MYO1H: variants seen among roughly 807,000 people sequenced by gnomAD.
MYO1H encodes the protein myosin IH, also known as unconventional myosin-Ih.
In MYO1H, 118 loss-of-function variants were observed where a neutral mutation model predicts 149.3. The ratio of observed to expected loss-of-function variants is 0.79; its 90% CI spans 0.68 to 0.92. The LOEUF (loss-of-function observed/expected upper bound fraction) is 0.92. Ranked by LOEUF, MYO1H falls within the 40% of genes least tolerant of loss-of-function variation. The pLI is 0.00. For missense variants in MYO1H, 1,212 were observed against 1,280.7 expected (o/e 0.95, Z 0.82); for synonymous variants, 447 against 465.2 (o/e 0.96, Z 0.50).
At chr12:109,402,006 C>T (rs1225555460) in intron 6 of MYO1H, among the ~76,000 whole-genome samples, 1 of 152,202 alleles carries the variant, frequency 6.6e-6, no homozygotes, top group Admixed American at 6.5e-5. Context: ...TCCCAAAGTG[C>T]TGAGTTTACA....
At chr12:109,444,327 C>G (rs1566046007) in intron 29 of MYO1H, 44 bp downstream of exon 29, 1 of 1,587,638 alleles carries the variant, frequency 6.3e-7, no homozygotes, top group Non-Finnish European at 8.6e-7. Flanking sequence ...AGAAACAATA[C>G]ACTGCCAAAA....
At chr12:109,368,663 G>C (rs542456186) in intron 1 of MYO1H, among the ~76,000 whole-genome samples, 1 of 124,900 alleles carries the variant, frequency 8.0e-6, no homozygotes, top group South Asian at 2.5e-4. Context: ...AAAAAAAAGG[G>C]TTCTTGCTGA....
At chr12:109,400,781 A>G (rs1369295889) in intron 5 of MYO1H, among the ~76,000 whole-genome samples, 2 of 152,214 alleles carry the variant, frequency 1.3e-5, no homozygotes, top group Non-Finnish European at 2.9e-5. Flanking sequence ...ATCAACATGA[A>G]TAAAAAGACC....
intron 1 of MYO1H, among the ~76,000 whole-genome samples, chr12:109,366,496 C>T (rs1000602933): frequency 6.6e-6 from 1 of 152,116 alleles, no homozygotes; most frequent in Admixed American, 6.5e-5. Context: ...GGCTTGAGAC[C>T]ATATAGCTGT....
chr12:109,427,932 A>T (rs1388043219), intron 19 of MYO1H, among the ~76,000 whole-genome samples: 1 of 99,318 alleles, frequency 1.0e-5, no homozygotes, highest in Non-Finnish European at 2.1e-5. Flanking sequence ...ATATATATAT[A>T]TATATTAGAT....
At chr12:109,339,966 T>C in the MYO1H span, among the ~76,000 whole-genome samples, 1 of 152,196 alleles carries the variant, frequency 6.6e-6, no homozygotes. Flanking sequence ...TTATAGGAAC[T>C]CCATATCCTA....
intron 1 of MYO1H, among the ~76,000 whole-genome samples, chr12:109,364,062 C>T (rs1052736322): frequency 5.4e-5 from 8 of 149,162 alleles, no homozygotes; most frequent in Non-Finnish European, 1.0e-4. Flanking sequence ...ATATGTTAGC[C>T]GGGAAGTCTG....
chr12:109,316,682 G>T, the MYO1H span, among the ~76,000 whole-genome samples: 1 of 152,132 alleles, frequency 6.6e-6, no homozygotes, highest in African/African-American at 2.4e-5. Context: ...TGAATCTAGG[G>T]TTTACAATAG....
At chr12:109,380,485 G>A (rs999885382) in intron 1 of MYO1H, among the ~76,000 whole-genome samples, 3 of 152,180 alleles carry the variant, frequency 2.0e-5, no homozygotes, top group Admixed American at 6.5e-5. Flanking sequence ...TTTACCCTGA[G>A]GACAAAGAAT....
the MYO1H span, among the ~76,000 whole-genome samples, chr12:109,312,324 T>A: frequency 6.6e-6 from 1 of 152,160 alleles, no homozygotes; most frequent in Non-Finnish European, 1.5e-5. Context: ...GCCATTCTCC[T>A]GCCTCAGCCT....
chr12:109,398,213 C>T (rs540061184), intron 5 of MYO1H, among the ~76,000 whole-genome samples: 21 of 148,626 alleles, frequency 1.4e-4, no homozygotes, highest in Non-Finnish European at 2.7e-4. Flanking sequence ...GCTACAGATG[C>T]GTAAGCATGT....
exon 3 of MYO1H, chr12:109,393,442 C>T (rs889959163): frequency 2.5e-6 from 4 of 1,569,326 alleles, no homozygotes; most frequent in Non-Finnish European, 3.5e-6. Context: ...ACTGCCACCA[C>T]ATGTGTAAGT....
intron 4 of MYO1H, 102 bp from the exon 5 acceptor site, chr12:109,397,630 G>A (rs987640870): frequency 1.5e-4 from 123 of 836,912 alleles, no homozygotes; most frequent in African/African-American, 1.4e-3. Context: ...GGCTCCTTCC[G>A]CTCTCTCTCC....
chr12:109,418,570 G>A (rs908149989), intron 15 of MYO1H, among the ~76,000 whole-genome samples: 29 of 151,568 alleles, frequency 1.9e-4, no homozygotes, highest in African/African-American at 6.8e-4. Flanking sequence ...TTGTTTTTTA[G>A]ACGGAGTCTC....
At chr12:109,361,720 G>C (rs554789021) in intron 1 of MYO1H, among the ~76,000 whole-genome samples, 2 of 149,818 alleles carry the variant, frequency 1.3e-5, no homozygotes, top group South Asian at 4.2e-4. Flanking sequence ...GAGGCAGGAG[G>C]ATCACTTGAG....
intron 17 of MYO1H, among the ~76,000 whole-genome samples, chr12:109,425,095 C>T (rs1871307930): frequency 1.3e-5 from 2 of 152,080 alleles, no homozygotes; most frequent in African/African-American, 4.8e-5. Context: ...CATAATGAGA[C>T]CCTGTCTCTA....
exon 4 of MYO1H, chr12:109,396,495 T>G (rs1250381307): frequency 1.2e-6 from 2 of 1,613,676 alleles, no homozygotes; most frequent in African/African-American, 1.3e-5. Flanking sequence ...CCAAGAAAAT[T>G]CTCGAGTATT....
rs1872515154 is a variant in MYO1H at position 109,447,070 on chromosome 12, G to A, written c.3094-89G>A. The A allele has an allele frequency of 3.0e-6, 4 of 1,328,402 alleles. No homozygotes were observed. The South Asian group carries it at 3.8e-5, about 12-fold the overall frequency. 82.3% of individuals were successfully genotyped at this position (1,328,402 alleles called of 1,614,324 possible). A position where few individuals can be genotyped will look rare whatever the true frequency, so the allele number is the denominator to read the frequency against. ...CTCACAGGCCCTCCACACCCACCTTGCTAATGGTGACAGTTGAGGTGATAA... is the reference window on the plus strand; with the variant it reads ...CTCACAGGCCCTCCACACCCACCTTACTAATGGTGACAGTTGAGGTGATAA... On this transcript the variant is annotated intron_variant, in intron 31 of 31. Transcript: ENST00000310903.
chr12:109,321,098 A>G, the MYO1H span, among the ~76,000 whole-genome samples: 1 of 152,072 alleles, frequency 6.6e-6, no homozygotes. Flanking sequence ...AAAAGCCCTC[A>G]AAAACACAAA....
Sources: allele counts gnomAD v4.1 joint callset (sites outside exome capture counted in the v4.1 genomes callset), GRCh38; gene constraint gnomAD v4.1.1; transcripts MANE v1.5; gene names NCBI Gene and HGNC (gene_info 2026-07-23, HGNC 2026-07-21).